SRPK1: variants seen among roughly 807,000 people sequenced by gnomAD.
SRPK1 encodes the protein SFRS protein kinase 1.
SRPK1 carries 52 observed loss-of-function variants against 89.5 expected under a neutral mutation model. The observed-to-expected ratio is 0.58, with a 90% CI of 0.46 to 0.73. SRPK1 has a LOEUF of 0.73. SRPK1 is among the 30% of genes least tolerant of loss of function. The probability of loss-of-function intolerance (pLI) is 0.00; values close to 1 mark genes in which losing one functional copy is unlikely to be tolerated. For missense variants in SRPK1, 603 were observed against 780.6 expected, an observed-to-expected ratio of 0.77 and a Z score of 2.71; for synonymous variants, 255 against 270.2, an observed-to-expected ratio of 0.94 and a Z score of 0.55.
chr6:35,903,360 C>A (rs1455304777), intron 2 of SRPK1, among the ~76,000 whole-genome samples: 3 of 151,888 alleles, frequency 2.0e-5, no homozygotes, highest in Non-Finnish European at 4.4e-5. Context: ...GAAAATACTA[C>A]AATTAGTCAG....
rs78766192 is a variant in SRPK1 at position 35,904,719 on chromosome 6, A to G, written c.75-13706T>C. On this transcript the variant is annotated intron_variant, in intron 2 of 15. Transcript: ENST00000373825. The stretch of plus-strand genomic sequence containing the variant: ...GAGGCTAAGGCAGGAGAACTGCTTG[A>G]ACCAGGACCCGGGAGGTGGAGGTTG... 7.1e-4 allele frequency among the ~76,000 whole-genome samples: 108 copies of G among 152,184 alleles called. No individual in the cohort carries two copies. The East Asian group carries it at 0.018, about 26-fold the overall frequency.
At chr6:35,879,128 T>C (rs1041327737) in intron 6 of SRPK1, among the ~76,000 whole-genome samples, 1 of 151,974 alleles carries the variant, frequency 6.6e-6, no homozygotes, top group Non-Finnish European at 1.5e-5. Flanking sequence ...AGCAACTGCA[T>C]ATAGAGGGAA....
intron 2 of SRPK1, chr6:35,905,063 CT>C: frequency 2.7e-6 from 1 of 365,374 alleles, no homozygotes; most frequent in Non-Finnish European, 5.3e-6. Context: ...AGAGGGAATG[CT>C]TGAGCCCAGG....
intron 2 of SRPK1, chr6:35,920,195 T>G (rs751820094): frequency 1.8e-6 from 1 of 568,798 alleles, no homozygotes; most frequent in South Asian, 1.5e-5. Context: ...GCCTCCTCTG[T>G]GGAGTTGGGG....
chr6:35,838,070 G>A (rs996558026), intron 15 of SRPK1, among the ~76,000 whole-genome samples: 16 of 151,958 alleles, frequency 1.1e-4, no homozygotes, highest in East Asian at 3.9e-4. Context: ...GGGTTTCACC[G>A]GGTTGGCCAG....
intron 13 of SRPK1, among the ~76,000 whole-genome samples, chr6:35,847,628 G>C (rs1769453810): frequency 6.6e-6 from 1 of 151,894 alleles, no homozygotes; most frequent in South Asian, 2.1e-4. Flanking sequence ...CAGCATTTCT[G>C]TAAACTAACA....
In SRPK1 at chr6:35,838,187, CT is replaced by C. The variant is rs147119971; in HGVS notation, c.1783+149del. 2.1e-5 allele frequency: 13 copies of C among 611,464 alleles called. 1 individual carries two copies. The highest frequency in any genetic ancestry group is 1.8e-4 in the South Asian group (6 of 33,426). 37.9% of individuals were successfully genotyped at this position (611,464 alleles called of 1,614,324 possible). ...CCGGCTCAGTCTCTGCTCTTGACCACTTTTTTTACCTCTTTTTTATCTCTTT... is the reference window on the plus strand; with the variant it reads ...CCGGCTCAGTCTCTGCTCTTGACCACTTTTTTACCTCTTTTTTATCTCTTT... On this transcript the variant is annotated intron_variant, in intron 15 of 15. Transcript: ENST00000373825.
At chr6:35,842,899 T>A (rs1378337759) in intron 13 of SRPK1, among the ~76,000 whole-genome samples, 3 of 152,008 alleles carry the variant, frequency 2.0e-5, no homozygotes, top group Admixed American at 6.6e-5. Flanking sequence ...TGAGTTTCCC[T>A]TTTTTGGCCG....
chr6:35,894,950 G>A (rs1770598941), intron 2 of SRPK1, among the ~76,000 whole-genome samples: 1 of 152,088 alleles, frequency 6.6e-6, no homozygotes, highest in South Asian at 2.1e-4. Flanking sequence ...CAAAAAGGAA[G>A]TTCCAAGAGC....
At chr6:35,905,462 C>T (rs554012204) in intron 2 of SRPK1, among the ~76,000 whole-genome samples, 49 of 151,932 alleles carry the variant, frequency 3.2e-4, no homozygotes, top group South Asian at 1.0e-3. Context: ...TAAGCCTAGA[C>T]GACCCAAATA....
intron 13 of SRPK1, among the ~76,000 whole-genome samples, chr6:35,846,935 T>C (rs1373963374): frequency 6.6e-6 from 1 of 152,186 alleles, no homozygotes; most frequent in African/African-American, 2.4e-5. Context: ...AGAAAATGCA[T>C]GTGACAAAAT....
chr6:35,915,993 TATATACACAC>T (rs1771088579), intron 2 of SRPK1, among the ~76,000 whole-genome samples: 2 of 51,210 alleles, frequency 3.9e-5, no homozygotes, highest in African/African-American at 1.6e-4. Flanking sequence ...AAAAAAAAAA[TATATACACAC>T]ACACACACAC....
intron 2 of SRPK1, among the ~76,000 whole-genome samples, chr6:35,899,881 AC>A (rs1444199689): frequency 6.6e-6 from 1 of 151,730 alleles, no homozygotes; most frequent in East Asian, 1.9e-4. Flanking sequence ...GGCACCTGTA[AC>A]CCCAGCAACT....
intron 2 of SRPK1, among the ~76,000 whole-genome samples, chr6:35,917,887 T>TAGAC (rs1295567617): frequency 1.3e-5 from 2 of 152,224 alleles, no homozygotes; most frequent in East Asian, 3.8e-4. Flanking sequence ...TTAACTAACT[T>TAGAC]GTCTAAGGTC....
At chr6:35,856,545 A>G (rs1769670396) in intron 13 of SRPK1, among the ~76,000 whole-genome samples, 1 of 152,184 alleles carries the variant, frequency 6.6e-6, no homozygotes, top group African/African-American at 2.4e-5. Context: ...TCAGAATTAC[A>G]TTGTAAGCAA....
chr6:35,840,453 A>C (rs1769282898), intron 14 of SRPK1, among the ~76,000 whole-genome samples: 1 of 152,194 alleles, frequency 6.6e-6, no homozygotes, highest in African/African-American at 2.4e-5. Context: ...CAAAAATAAG[A>C]ATACTAAGGA....
intron 8 of SRPK1, among the ~76,000 whole-genome samples, chr6:35,871,922 G>T (rs1292838771): frequency 2.0e-5 from 3 of 151,956 alleles, no homozygotes; most frequent in African/African-American, 7.3e-5. Flanking sequence ...TTTAATTTTT[G>T]TAGAGACAGG....
intron 2 of SRPK1, among the ~76,000 whole-genome samples, chr6:35,893,752 G>A (rs567707247): frequency 6.6e-6 from 1 of 152,158 alleles, no homozygotes; most frequent in Non-Finnish European, 1.5e-5. Context: ...AAGCTGGCCA[G>A]GCACGGTGGC....
At chr6:35,907,460 C>CT (rs1391876341) in intron 2 of SRPK1, among the ~76,000 whole-genome samples, 1 of 152,132 alleles carries the variant, frequency 6.6e-6, no homozygotes, top group Admixed American at 6.5e-5. Flanking sequence ...AATCCCAGCA[C>CT]TTTGAGAGGC....
Sources: allele counts gnomAD v4.1 joint callset (sites outside exome capture counted in the v4.1 genomes callset), GRCh38; gene constraint gnomAD v4.1.1; transcripts MANE v1.5; gene names NCBI Gene and HGNC (gene_info 2026-07-23, HGNC 2026-07-21).